Variants in MICAL2 observed in about 807,000 individuals in gnomAD.
MICAL2 encodes the protein [F-actin]-monooxygenase MICAL2.
Under a neutral mutation model 127.3 loss-of-function variants are expected in MICAL2, and 77 were observed. That is an observed-to-expected ratio of 0.60 (90% CI 0.50 to 0.73). The LOEUF (loss-of-function observed/expected upper bound fraction) is 0.73. MICAL2 is among the 30% of genes least tolerant of loss of function. MICAL2 has a pLI of 0.00. For synonymous variants in MICAL2, 570 were observed against 551.1 expected, an observed-to-expected ratio of 1.03 and a Z score of -0.48; for missense variants, 1,351 against 1,434.4, an observed-to-expected ratio of 0.94 and a Z score of 0.94.
intron 1 of MICAL2, among the ~76,000 whole-genome samples, chr11:12,277,695 C>A (rs1863736287): frequency 6.6e-6 from 1 of 152,138 alleles, no homozygotes; most frequent in Non-Finnish European, 1.5e-5. Flanking sequence ...GCTTATAAGA[C>A]AAGGTAAGGA....
intron 1 of MICAL2, among the ~76,000 whole-genome samples, chr11:12,115,802 A>G (rs908730905): frequency 6.6e-6 from 1 of 152,184 alleles, no homozygotes; most frequent in Non-Finnish European, 1.5e-5. Flanking sequence ...AAAAAAGAAG[A>G]CTTCTTTCAA....
intron 1 of MICAL2, chr11:12,276,371 C>T (rs1278057085): frequency 5.1e-6 from 2 of 389,880 alleles, no homozygotes; most frequent in Admixed American, 4.5e-5. Context: ...GTGTATAGAA[C>T]AGTGCCCACA....
chr11:12,295,072 G>A (rs1013887820), downstream of MICAL2, among the ~76,000 whole-genome samples: 2 of 151,712 alleles, frequency 1.3e-5, no homozygotes, highest in Admixed American at 1.3e-4. Context: ...ATAACCCTAC[G>A]ACCACTTTCT....
At position 12,208,105 on chromosome 11, in the gene MICAL2, G is replaced by A. The variant is rs538142565; in HGVS notation, c.555G>A (p.Lys185=). Residue 185 remains lysine, a synonymous_variant, in exon 5 of 28, where the codon AAG becomes AAA. Transcript: ENST00000683283. ...TCCATGTGAATGTGGAGTTCGTGAA[G>A]GTTCTAGAGCCTCCTGAAGATCAAG... is the stretch of plus-strand genomic sequence containing the variant. The part of the protein sequence containing the change: ...VEIHVNVEFV[K]VLEPPEDQEN... The A allele has an allele frequency of 1.2e-6, 2 of 1,614,114 alleles. No homozygotes were observed. Among genetic ancestry groups the A allele is most frequent in the African/African-American group, 1.3e-5 (1 of 75,046 alleles).
At chr11:12,292,339 A>C, downstream of MICAL2, 2 of 1,604,158 alleles carry the variant, frequency 1.2e-6, no homozygotes, top group Non-Finnish European at 1.7e-6. Flanking sequence ...CAGGAAGCTA[A>C]CCTACCTGTA....
intron 1 of MICAL2, among the ~76,000 whole-genome samples, chr11:12,126,921 T>C (rs1850971496): frequency 6.6e-6 from 1 of 152,066 alleles, no homozygotes; most frequent in Non-Finnish European, 1.5e-5. Flanking sequence ...ATCTGGATCC[T>C]GATGGGTAGT....
chr11:12,339,088 A>T (rs1938815554), intron 32 of MICAL2, among the ~76,000 whole-genome samples: 1 of 152,218 alleles, frequency 6.6e-6, no homozygotes, highest in Admixed American at 6.5e-5. Flanking sequence ...ACTTTCAGGT[A>T]CACCAGTCAT....
intron 32 of MICAL2, chr11:12,327,300 A>G (rs754743569): frequency 2.6e-6 from 4 of 1,523,286 alleles, no homozygotes; most frequent in Non-Finnish European, 3.6e-6. Context: ...AGCAGTGGGC[A>G]TGGTCTGAGA....
At chr11:12,310,880 C>T (rs2134822604) in intron 29 of MICAL2, among the ~76,000 whole-genome samples, 1 of 151,364 alleles carries the variant, frequency 6.6e-6, no homozygotes, top group Non-Finnish European at 1.5e-5. Flanking sequence ...TTGTAGAGAT[C>T]TTTCACTTCT....
rs151242865 is a variant in MICAL2 at position 12,216,223 on chromosome 11, A to G, written c.852A>G (p.Ile284Met). The G allele has an allele frequency of 5.0e-6, 8 of 1,610,860 alleles. No individual in the cohort carries two copies. The highest frequency in any genetic ancestry group is 4.5e-5 in the East Asian group (2 of 44,872). The change falls in exon 8 of 28, where the codon ATA becomes ATG. Residue 284 changes from isoleucine (I) to methionine (M), a missense_variant. By Grantham distance (10) the Ile-to-Met change is conservative. Coordinates refer to ENST00000683283, the MANE Select transcript of MICAL2 (RefSeq NM_001282663.2). The part of the protein sequence containing the change: ...FFQDLKEETG[I>M]DLENIVYYKD... ...TGTGAATGCTTCTCTTTTCAGGCAT[A>G]GATCTTGAGAACATTGTTTACTACA...
intron 3 of MICAL2, among the ~76,000 whole-genome samples, chr11:12,191,854 G>C (rs1279932310): frequency 6.6e-6 from 1 of 152,182 alleles, no homozygotes; most frequent in African/African-American, 2.4e-5. Context: ...AGTAATGGGT[G>C]GGGCTGAGAA....
intron 3 of MICAL2, among the ~76,000 whole-genome samples, chr11:12,182,562 G>C (rs989122450): frequency 6.6e-6 from 1 of 152,202 alleles, no homozygotes; most frequent in African/African-American, 2.4e-5. Context: ...TCCCAACTCT[G>C]TTCTGTTCCC....
rs368626755 is a variant in MICAL2, at chr11:12,223,325, T to A, written c.1450-86T>A. 8 of 1,186,882 alleles carry A rather than the reference T, an allele frequency of 6.7e-6. No homozygotes were observed. The East Asian group carries it at 1.9e-4, about 28-fold the overall frequency. 73.5% of individuals were successfully genotyped at this position (1,186,882 alleles called of 1,614,324 possible). ...AGTAGAGGAAAATGGTGGCAGGCAC[T>A]GAATTGGGGGTGGGTCGAGTTTAGG... is the stretch of plus-strand genomic sequence containing the variant. On this transcript the variant is annotated intron_variant, in intron 11 of 27. Transcript: ENST00000683283.
downstream of MICAL2, among the ~76,000 whole-genome samples, chr11:12,292,764 A>G (rs866141940): frequency 7.9e-5 from 12 of 152,340 alleles, no homozygotes; most frequent in African/African-American, 2.2e-4. Context: ...GTATGTATTT[A>G]TCAAGCCTCT....
intron 6 of MICAL2, among the ~76,000 whole-genome samples, chr11:12,210,211 T>C (rs2134172742): frequency 6.6e-6 from 1 of 152,304 alleles, no homozygotes; most frequent in African/African-American, 2.4e-5. Context: ...GGTAAGATCC[T>C]GTCAGTTTGT....
At chr11:12,293,651 G>A (rs1035668084), downstream of MICAL2, 1 of 1,614,086 alleles carries the variant, frequency 6.2e-7, no homozygotes, top group South Asian at 1.1e-5. Flanking sequence ...AGCCCAAGGA[G>A]CACCCAGGGA....
intron 32 of MICAL2, among the ~76,000 whole-genome samples, chr11:12,330,175 T>C (rs947598829): frequency 6.6e-6 from 1 of 152,214 alleles, no homozygotes; most frequent in African/African-American, 2.4e-5. Context: ...ATACTCTAAC[T>C]TGTAATAACA....
intron 23 of MICAL2, chr11:12,256,131 C>T (rs1350036534): frequency 5.6e-6 from 1 of 178,376 alleles, no homozygotes; most frequent in African/African-American, 2.4e-5. Flanking sequence ...GAAAATAGCC[C>T]TTTGATTTGA....
At position 12,208,063 on chromosome 11, in the gene MICAL2, G is replaced by C. The variant is rs1460350826; in HGVS notation, c.513G>C (p.Leu171=). 6.2e-7 allele frequency: 1 copy of C among 1,614,094 alleles called. No individual in the cohort carries two copies. Among genetic ancestry groups the C allele is most frequent in the African/African-American group, 1.3e-5 (1 of 74,950 alleles). Reference sequence around the variant, plus strand: ...AGCTCATCCTATTCAAGGTGGCCCTGATGCTGGGAGTTGAAATCCATGTGA... The same window carrying C: ...AGCTCATCCTATTCAAGGTGGCCCTCATGCTGGGAGTTGAAATCCATGTGA... The part of the protein sequence containing the change: ...QLQLILFKVA[L]MLGVEIHVNV... The change falls in exon 5 of 28, where the codon CTG becomes CTC. Residue 171 remains leucine, a synonymous_variant. Coordinates refer to ENST00000683283, the MANE Select transcript of MICAL2 (RefSeq NM_001282663.2).
Sources: gnomAD v4.1 joint callset for allele counts (sites outside exome capture counted in the v4.1 genomes callset) on GRCh38, gnomAD v4.1.1 for gene constraint, MANE v1.5 for transcripts, NCBI Gene and HGNC (gene_info 2026-07-23, HGNC 2026-07-21) for gene names.